The following SPART variants were observed in gnomAD, a reference collection of about 807,000 sequenced individuals.
SPART encodes spartin.
SPART carries 35 observed loss-of-function variants against 58.7 expected under a neutral mutation model. The observed-to-expected ratio is 0.60, with a 90% CI of 0.46 to 0.79. The LOEUF is 0.79. Ranked by LOEUF, SPART falls within the 30% of genes least tolerant of loss-of-function variation. The pLI is 0.00. For missense variants in SPART, 730 were observed against 786.1 expected (o/e 0.93, Z 0.85); for synonymous variants, 284 against 280.7 (o/e 1.01, Z -0.12).
chr13:36,304,208 A>T lies in SPART; in HGVS notation c.*157T>A. 1.2e-6 allele frequency: 1 copy of T among 825,742 alleles called. No individual in the cohort carries two copies. Among genetic ancestry groups the T allele is most frequent in the Non-Finnish European group, 1.9e-6 (1 of 515,088 alleles). The allele number at this position is 825,742 out of a possible 1,614,324, so 51.2% of individuals were successfully genotyped here. The stretch of plus-strand genomic sequence containing the variant: ...CAAGAATACTTATTCTTTTCCTTTT[A>T]AATAGAAGACATGCCATAAAATTTA... On this transcript the variant is annotated 3_prime_UTR_variant, in exon 9 of 9. Coordinates refer to ENST00000438666, the MANE Select transcript of SPART (RefSeq NM_015087.5).
At chr13:36,359,652 G>A (rs1005404616) in intron 1 of SPART, among the ~76,000 whole-genome samples, 2 of 152,084 alleles carry the variant, frequency 1.3e-5, no homozygotes, top group African/African-American at 4.8e-5. Context: ...ATAAAATAAC[G>A]TATGCAAAGC....
chr13:36,327,868 C>A lies in SPART; in HGVS notation c.1165-1170G>T, dbSNP rs1194518985. Among the ~76,000 whole-genome samples, 4 of 152,282 alleles carry A rather than the reference C, an allele frequency of 2.6e-5. No individual in the cohort carries two copies. In the East Asian group the frequency reaches 7.7e-4, roughly 29 times the overall value. On this transcript the variant is annotated intron_variant, in intron 4 of 8. Transcript: ENST00000438666. Reference sequence around the variant, plus strand: ...CATTAGCCGGGCATGGTGGCAGGCACCTGTAATCCCAGCTGCTCGGGAGGT... The same window carrying A: ...CATTAGCCGGGCATGGTGGCAGGCAACTGTAATCCCAGCTGCTCGGGAGGT...
At chr13:36,331,647 T>G (rs1490050417) in intron 2 of SPART, 51 bp from the exon 3 acceptor site, 1 of 1,271,068 alleles carries the variant, frequency 7.9e-7, no homozygotes, top group African/African-American at 1.5e-5. Context: ...TAAATGAAAC[T>G]AGATTTTCAT....
intron 6 of SPART, among the ~76,000 whole-genome samples, chr13:36,312,826 T>C (rs1298677865): frequency 6.6e-6 from 1 of 152,022 alleles, no homozygotes; most frequent in African/African-American, 2.4e-5. Context: ...CAGATATACA[T>C]GCTCTTGCAC....
intron 5 of SPART, among the ~76,000 whole-genome samples, chr13:36,321,257 A>G (rs9547257): frequency 6.6e-5 from 10 of 151,252 alleles, no homozygotes; most frequent in Middle Eastern, 3.2e-3. Flanking sequence ...TTACACTGCC[A>G]GTTTACACTG....
chr13:36,321,578 A>C (rs960057841), intron 5 of SPART, among the ~76,000 whole-genome samples: 1 of 151,964 alleles, frequency 6.6e-6, no homozygotes, highest in Non-Finnish European at 1.5e-5. Flanking sequence ...CTTCAGCTTA[A>C]TCTCTCCCAC....
intron 5 of SPART, among the ~76,000 whole-genome samples, chr13:36,318,851 T>C (rs1882026716): frequency 6.6e-6 from 1 of 152,202 alleles, no homozygotes; most frequent in East Asian, 1.9e-4. Flanking sequence ...CCAGAGCCCC[T>C]GGAACTCTGG....
intron 1 of SPART, among the ~76,000 whole-genome samples, chr13:36,355,677 G>C (rs374494489): frequency 6.6e-5 from 10 of 152,064 alleles, no homozygotes; most frequent in African/African-American, 2.4e-4. Flanking sequence ...AAATTCTAAG[G>C]CTCCCCCCAA....
At chr13:36,315,375 T>G (rs1881585124) in intron 5 of SPART, among the ~76,000 whole-genome samples, 2 of 152,180 alleles carry the variant, frequency 1.3e-5, no homozygotes, top group African/African-American at 4.8e-5. Context: ...TGGCTAACAC[T>G]TAACAATGAG....
chr13:36,350,819 G>A (rs1272797077), upstream of SPART, among the ~76,000 whole-genome samples: 1 of 152,134 alleles, frequency 6.6e-6, no homozygotes, highest in Non-Finnish European at 1.5e-5. Flanking sequence ...TGTATTTCTT[G>A]CATAAAGTGG....
At chr13:36,305,029 G>C (rs1880373519) in intron 8 of SPART, among the ~76,000 whole-genome samples, 1 of 152,100 alleles carries the variant, frequency 6.6e-6, no homozygotes. Context: ...GTAGTTTCAA[G>C]TTCTACCTTA....
chr13:36,306,497 TCA>T (rs1363899273), intron 8 of SPART, among the ~76,000 whole-genome samples: 1 of 151,738 alleles, frequency 6.6e-6, no homozygotes, highest in Non-Finnish European at 1.5e-5. Flanking sequence ...ACAACATAAC[TCA>T]CAGTCATGTT....
At chr13:36,346,118 T>C (rs1332082851) in intron 1 of SPART, 107 bp downstream of exon 1, 1 of 152,128 alleles carries the variant, frequency 6.6e-6, no homozygotes, top group Non-Finnish European at 1.5e-5. Flanking sequence ...TCCACCCTTG[T>C]CCCGTGACCG....
intron 3 of SPART, among the ~76,000 whole-genome samples, chr13:36,331,176 T>C (rs1883425295): frequency 6.6e-6 from 1 of 152,182 alleles, no homozygotes; most frequent in African/African-American, 2.4e-5. Context: ...GGTCATTAAG[T>C]GGAAGAGTTT....
intron 8 of SPART, among the ~76,000 whole-genome samples, chr13:36,310,877 C>G (rs1215857784): frequency 6.6e-6 from 1 of 152,168 alleles, no homozygotes; most frequent in Non-Finnish European, 1.5e-5. Flanking sequence ...TCGCCCCACC[C>G]ACTGGTTGAG....
intron 5 of SPART, among the ~76,000 whole-genome samples, chr13:36,319,065 T>TC (rs1195112401): frequency 6.6e-6 from 1 of 152,022 alleles, no homozygotes; most frequent in Non-Finnish European, 1.5e-5. Context: ...AGGGCCTGTT[T>TC]CCCTTGCCTC....
intron 1 of SPART, among the ~76,000 whole-genome samples, chr13:36,364,526 T>G (rs1885984620): frequency 6.6e-6 from 1 of 152,162 alleles, no homozygotes; most frequent in Admixed American, 6.5e-5. Flanking sequence ...CTCACGTTGT[T>G]CTGATGGCAA....
chr13:36,363,743 A>T (rs528193242), intron 1 of SPART, among the ~76,000 whole-genome samples: 2 of 150,602 alleles, frequency 1.3e-5, no homozygotes, highest in East Asian at 3.9e-4. Context: ...CAGCAGTGAT[A>T]GTGTTGCAGC....
At chr13:36,364,157 C>T (rs1009205601) in intron 1 of SPART, among the ~76,000 whole-genome samples, 1 of 152,286 alleles carries the variant, frequency 6.6e-6, no homozygotes, top group South Asian at 2.1e-4. Flanking sequence ...CCTGGACCCT[C>T]TTATTAGTAA....
Sources: allele counts gnomAD v4.1 joint callset (sites outside exome capture counted in the v4.1 genomes callset), GRCh38; gene constraint gnomAD v4.1.1; transcripts MANE v1.5; gene names NCBI Gene and HGNC (gene_info 2026-07-23, HGNC 2026-07-21).